The following SRGAP1 variants were observed in gnomAD, a reference collection of about 807,000 sequenced individuals.
SRGAP1 encodes SLIT-ROBO Rho GTPase-activating protein 1.
Under a neutral mutation model 121.9 loss-of-function variants are expected in SRGAP1, and 43 were observed. The ratio of observed to expected loss-of-function variants is 0.35; its 90% confidence interval spans 0.28 to 0.46. The LOEUF is 0.46. Among genes scored for constraint, SRGAP1 ranks in the 20% least tolerant of loss-of-function variants. The pLI is 1.00. For missense variants in SRGAP1, 1,102 were observed against 1,350.9 expected (o/e 0.82, Z 2.89); for synonymous variants, 447 against 485.4 (o/e 0.92, Z 1.04).
At chr12:64,130,070 T>G (rs2036760721) in intron 21 of SRGAP1, among the ~76,000 whole-genome samples, 1 of 152,232 alleles carries the variant, frequency 6.6e-6, no homozygotes, top group Non-Finnish European at 1.5e-5. Flanking sequence ...TAGTCCTGCC[T>G]GGATTGGGCT....
At chr12:64,092,974 T>A (rs562499730) in intron 12 of SRGAP1, among the ~76,000 whole-genome samples, 30 of 152,262 alleles carry the variant, frequency 2.0e-4, no homozygotes, top group African/African-American at 7.0e-4. Context: ...GAAAATTCAC[T>A]TATAGGAGCT....
At chr12:63,872,063 C>G in intron 1 of SRGAP1, 1 of 733,992 alleles carries the variant, frequency 1.4e-6, no homozygotes, top group Non-Finnish European at 2.4e-6. Flanking sequence ...CAGGGCTGTT[C>G]TGTTTATATG....
chr12:63,932,123 A>C (rs1486813592), intron 1 of SRGAP1, among the ~76,000 whole-genome samples: 1 of 151,216 alleles, frequency 6.6e-6, no homozygotes, highest in African/African-American at 2.4e-5. Flanking sequence ...TAAAAATACA[A>C]AAAAAAAATT....
At chr12:64,076,751 ATTC>A (rs2035745749) in intron 8 of SRGAP1, among the ~76,000 whole-genome samples, 1 of 151,920 alleles carries the variant, frequency 6.6e-6, no homozygotes. Flanking sequence ...GGTTCAGGCA[ATTC>A]TTCTGACTCA....
rs141794817 is a variant in SRGAP1 at position 64,087,087 on chromosome 12, C to A, written c.1436+61C>A. On this transcript the variant is annotated intron_variant, in intron 11 of 21. Coordinates refer to ENST00000355086, the MANE Select transcript of SRGAP1 (RefSeq NM_020762.4). The stretch of plus-strand genomic sequence containing the variant: ...TTACTTTCTCTTTAACAAGAAGCAA[C>A]CATTTCAATGCTGAAAGAATTAACA... The A allele has an allele frequency of 9.2e-4, 1,165 of 1,265,788 alleles. 8 individuals are homozygous for A. In the African/African-American group the frequency reaches 0.016, roughly 18 times the overall value. 78.4% of individuals were successfully genotyped at this position (1,265,788 alleles called of 1,614,324 possible). A position where few individuals can be genotyped will look rare whatever the true frequency, so the allele number is the denominator to read the frequency against.
At chr12:63,964,727 T>C (rs2136383923) in intron 1 of SRGAP1, among the ~76,000 whole-genome samples, 1 of 152,234 alleles carries the variant, frequency 6.6e-6, no homozygotes, top group South Asian at 2.1e-4. Flanking sequence ...CCCAGCGAAG[T>C]CTAAATTTTA....
chr12:63,993,659 A>T (rs1199611380), intron 3 of SRGAP1, among the ~76,000 whole-genome samples: 1 of 152,168 alleles, frequency 6.6e-6, no homozygotes, highest in East Asian at 1.9e-4. Context: ...TCATTTACCC[A>T]AATTATTCTG....
rs1278324993 is a variant in SRGAP1, at chr12:64,148,122, C to CA, written c.*5452dup. On this transcript the variant is annotated 3_prime_UTR_variant, in exon 22 of 22. Coordinates refer to ENST00000355086, the MANE Select transcript of SRGAP1 (RefSeq NM_020762.4). ...ACTTAACTGAGAAGCTGAGAGTGTA[C>CA]AAGCCTCCTAAACATACACCAGATT... 1.3e-5 allele frequency: 2 copies of CA among 153,422 alleles called. No individual in the cohort carries two copies. Among genetic ancestry groups the CA allele is most frequent in the African/African-American group, 4.8e-5 (2 of 41,490 alleles). The allele number at this position is 153,422 out of a possible 1,614,324, so 9.5% of individuals were successfully genotyped here.
chr12:63,911,484 G>A (rs2030500171), intron 1 of SRGAP1, among the ~76,000 whole-genome samples: 1 of 152,002 alleles, frequency 6.6e-6, no homozygotes, highest in South Asian at 2.1e-4. Flanking sequence ...TTGTCTAGAC[G>A]GCTGTGCCCT....
At chr12:64,084,607 A>G (rs1265960094) in intron 10 of SRGAP1, among the ~76,000 whole-genome samples, 1 of 152,190 alleles carries the variant, frequency 6.6e-6, no homozygotes, top group Non-Finnish European at 1.5e-5. Flanking sequence ...AGTTCTTGCA[A>G]AGCACGCTCT....
chr12:63,945,440 G>A (rs947877169), intron 1 of SRGAP1, among the ~76,000 whole-genome samples: 3 of 151,780 alleles, frequency 2.0e-5, no homozygotes, highest in East Asian at 1.9e-4. Flanking sequence ...AACAGGCCCT[G>A]GTGTGTGATG....
chr12:64,105,432 G>A (rs550615559), intron 15 of SRGAP1, among the ~76,000 whole-genome samples: 2 of 152,204 alleles, frequency 1.3e-5, no homozygotes, highest in Admixed American at 1.3e-4. Context: ...GCCTTTAAGA[G>A]GTAGAGGGAC....
At position 63,994,231 on chromosome 12, in the gene SRGAP1, A is replaced by G. The variant is rs182289236; in HGVS notation, c.426+4159A>G. On this transcript the variant is annotated intron_variant, in intron 3 of 21. Transcript: ENST00000355086. ...ATATCTTTATTATTATCTCTATTAT[A>G]AGCACTTATTCTATATACCTACAAT... Among the ~76,000 whole-genome samples, 28 of 152,300 alleles carry G rather than the reference A, an allele frequency of 1.8e-4. No homozygotes were observed. The East Asian group carries it at 4.4e-3, about 24-fold the overall frequency.
chr12:63,998,007 A>G (rs1593019590), intron 3 of SRGAP1, among the ~76,000 whole-genome samples: 1 of 152,182 alleles, frequency 6.6e-6, no homozygotes, highest in African/African-American at 2.4e-5. Context: ...CAAATCTTCT[A>G]ATGACTCTCA....
intron 4 of SRGAP1, among the ~76,000 whole-genome samples, chr12:64,028,653 C>T (rs2034705492): frequency 1.3e-5 from 2 of 152,320 alleles, no homozygotes; most frequent in South Asian, 4.1e-4. Context: ...GCAATAACTT[C>T]TTGCTGTGCC....
At chr12:63,942,893 TAAATG>T (rs2031916695) in intron 1 of SRGAP1, among the ~76,000 whole-genome samples, 1 of 152,220 alleles carries the variant, frequency 6.6e-6, no homozygotes, top group South Asian at 2.1e-4. Context: ...TTTTTAAAAA[TAAATG>T]AATACATCTA....
At chr12:64,009,162 A>G (rs1335216383) in intron 3 of SRGAP1, among the ~76,000 whole-genome samples, 3 of 152,210 alleles carry the variant, frequency 2.0e-5, no homozygotes, top group Admixed American at 2.0e-4. Context: ...GAAGTTCAGC[A>G]TATTGAAAAT....
intron 4 of SRGAP1, among the ~76,000 whole-genome samples, chr12:64,035,505 A>G (rs79833650): frequency 2.0e-4 from 30 of 152,306 alleles, no homozygotes; most frequent in African/African-American, 6.5e-4. Flanking sequence ...TGAATAAATA[A>G]AATCAGTATA....
chr12:63,962,292 G>C (rs2136380972), intron 1 of SRGAP1, among the ~76,000 whole-genome samples: 1 of 152,210 alleles, frequency 6.6e-6, no homozygotes, highest in South Asian at 2.1e-4. Context: ...TACAATGTAG[G>C]CTGCTATTTA....
Sources: allele counts gnomAD v4.1 joint callset (sites outside exome capture counted in the v4.1 genomes callset), GRCh38; gene constraint gnomAD v4.1.1; transcripts MANE v1.5; gene names NCBI Gene and HGNC (gene_info 2026-07-23, HGNC 2026-07-21).